The following STK39 variants were observed in gnomAD, a reference collection of about 807,000 sequenced individuals.
STK39 encodes STE20/SPS1-related proline-alanine-rich protein kinase.
STK39 carries 20 observed loss-of-function variants against 77.8 expected under a neutral mutation model. The observed-to-expected ratio is 0.26, with a 90% CI of 0.18 to 0.37. STK39 has a LOEUF of 0.37. Among genes scored for constraint, STK39 ranks in the 10% least tolerant of loss-of-function variants. The probability of loss-of-function intolerance (pLI) is 1.00; values close to 1 mark genes in which losing one functional copy is unlikely to be tolerated. For missense variants in STK39, 479 were observed against 656.5 expected (o/e 0.73, Z 2.95); for synonymous variants, 246 against 234.1 (o/e 1.05, Z -0.47).
intron 16 of STK39, among the ~76,000 whole-genome samples, chr2:167,985,261 G>A (rs1450147229): frequency 6.6e-6 from 1 of 152,194 alleles, no homozygotes; most frequent in Non-Finnish European, 1.5e-5. Flanking sequence ...AGAAGGAAGA[G>A]TTATTATTGC....
chr2:168,152,535 G>A (rs1688317563), intron 5 of STK39, among the ~76,000 whole-genome samples: 1 of 152,196 alleles, frequency 6.6e-6, no homozygotes, highest in African/African-American at 2.4e-5. Flanking sequence ...AAGTATATTG[G>A]TGGGGTAGGG....
chr2:167,956,717 CTCTCTCTCT>C (rs1691788490), intron 17 of STK39, among the ~76,000 whole-genome samples: 2 of 70,702 alleles, frequency 2.8e-5, no homozygotes, highest in Non-Finnish European at 6.4e-5. Context: ...CTCTCTCTCT[CTCTCTCTCT>C]CTCCCCCCCC....
chr2:168,181,918 C>T (rs939942371), intron 2 of STK39, 60 bp downstream of exon 2: 3 of 1,430,200 alleles, frequency 2.1e-6, no homozygotes, highest in East Asian at 4.6e-5. Context: ...TCCCAACCAT[C>T]CCCATATACC....
intron 13 of STK39, among the ~76,000 whole-genome samples, chr2:168,064,518 G>A (rs926843964): frequency 4.6e-5 from 7 of 152,086 alleles, no homozygotes; most frequent in Admixed American, 3.9e-4. Context: ...TAAGGGCCCC[G>A]CATTAGGTAT....
At chr2:168,133,159 G>A (rs1687744336) in intron 8 of STK39, among the ~76,000 whole-genome samples, 1 of 152,212 alleles carries the variant, frequency 6.6e-6, no homozygotes, top group Non-Finnish European at 1.5e-5. Context: ...GGATGCTGTA[G>A]AGAGAAAGCT....
intron 14 of STK39, among the ~76,000 whole-genome samples, chr2:168,027,765 G>C (rs1684737650): frequency 6.6e-6 from 1 of 152,174 alleles, no homozygotes; most frequent in Admixed American, 6.5e-5. Context: ...ACTCTTGACA[G>C]TTCCCGCTGG....
chr2:167,999,598 A>G (rs1683941334), intron 16 of STK39, among the ~76,000 whole-genome samples: 1 of 151,924 alleles, frequency 6.6e-6, no homozygotes, highest in Non-Finnish European at 1.5e-5. Context: ...AGTAGCTGGA[A>G]CTACAGGCGC....
At chr2:168,125,710 C>T (rs1389602778) in intron 10 of STK39, among the ~76,000 whole-genome samples, 1 of 152,122 alleles carries the variant, frequency 6.6e-6, no homozygotes, top group Non-Finnish European at 1.5e-5. Context: ...CTACAATTAC[C>T]ACACACCCAA....
At chr2:168,019,222 C>T in intron 14 of STK39, among the ~76,000 whole-genome samples, 1 of 152,116 alleles carries the variant, frequency 6.6e-6, no homozygotes, top group Admixed American at 6.5e-5. Flanking sequence ...TACAGCAGTC[C>T]CCCTTTATCC....
chr2:168,201,765 C>T (rs1329894965), intron 1 of STK39, among the ~76,000 whole-genome samples: 1 of 152,128 alleles, frequency 6.6e-6, no homozygotes. Context: ...TTCTAATCTG[C>T]CCTTCCTCAC....
chr2:168,181,944 G>T, intron 2 of STK39, 34 bp downstream of exon 2: 1 of 1,581,600 alleles, frequency 6.3e-7, no homozygotes, highest in Non-Finnish European at 8.7e-7. Context: ...ATTAAGAAAA[G>T]CAACCAGCAG....
chr2:168,015,580 C>T (rs1363690961), intron 15 of STK39, among the ~76,000 whole-genome samples: 1 of 152,220 alleles, frequency 6.6e-6, no homozygotes, highest in African/African-American at 2.4e-5. Context: ...TCCAGTAATG[C>T]TGACAGGGCC....
chr2:168,158,974 T>C (rs1053696783), intron 5 of STK39, among the ~76,000 whole-genome samples: 2 of 152,198 alleles, frequency 1.3e-5, no homozygotes, highest in African/African-American at 4.8e-5. Flanking sequence ...GGGTTTCTCA[T>C]GGTCTAAATC....
chr2:168,061,149 T>G (rs1177402982), intron 14 of STK39, among the ~76,000 whole-genome samples: 2 of 152,022 alleles, frequency 1.3e-5, no homozygotes, highest in East Asian at 3.9e-4. Context: ...GTTTGGCTGC[T>G]GAGTCATGCT....
At chr2:168,038,633 C>T (rs1448162397) in intron 14 of STK39, among the ~76,000 whole-genome samples, 1 of 151,950 alleles carries the variant, frequency 6.6e-6, no homozygotes, top group African/African-American at 2.4e-5. Flanking sequence ...AACCAAAATG[C>T]AAGCCACAGA....
chr2:168,247,211 G>T lies in STK39; in HGVS notation c.208+17C>A. 1 of 1,193,900 alleles carries T rather than the reference G, an allele frequency of 8.4e-7. No individual in the cohort carries two copies. 74.0% of individuals were successfully genotyped at this position (1,193,900 alleles called of 1,614,324 possible). On this transcript the variant is annotated intron_variant, in intron 1 of 17. Coordinates refer to ENST00000355999, the MANE Select transcript of STK39 (RefSeq NM_013233.3). ...GCGCCCGGCCTGTGCCGGCCCCGCC[G>T]CGCCCGCCGCACTGACCGATAACCT... is the stretch of plus-strand genomic sequence containing the variant.
intron 16 of STK39, among the ~76,000 whole-genome samples, chr2:167,972,103 T>C (rs557288579): frequency 8.5e-5 from 13 of 152,144 alleles, no homozygotes; most frequent in African/African-American, 3.1e-4. Context: ...AGGGCTACAG[T>C]GTGGCAAGCA....
intron 16 of STK39, among the ~76,000 whole-genome samples, chr2:167,978,711 A>G (rs971677782): frequency 1.3e-5 from 2 of 152,196 alleles, no homozygotes; most frequent in African/African-American, 2.4e-5. Flanking sequence ...ACCACAATCA[A>G]GATAATGAAT....
chr2:168,147,582 C>T (rs996156407), intron 5 of STK39, among the ~76,000 whole-genome samples: 4 of 146,402 alleles, frequency 2.7e-5, no homozygotes, highest in African/African-American at 1.0e-4. Context: ...TACTTATGCC[C>T]GGTACACATG....
Sources: allele counts gnomAD v4.1 joint callset (sites outside exome capture counted in the v4.1 genomes callset), GRCh38; gene constraint gnomAD v4.1.1; transcripts MANE v1.5; gene names NCBI Gene and HGNC (gene_info 2026-07-23, HGNC 2026-07-21).